Variants in PARD6B observed in about 807,000 individuals in gnomAD.
PARD6B encodes the protein partitioning defective 6 homolog beta.
PARD6B carries 4 observed loss-of-function variants against 10.5 expected under a neutral mutation model. The ratio of observed to expected loss-of-function variants is 0.38; its 90% CI spans 0.19 to 0.87. The LOEUF is 0.87. Ranked by LOEUF, PARD6B falls within the 40% of genes least tolerant of loss-of-function variation. PARD6B has a pLI of 0.41. For synonymous variants in PARD6B, 169 were observed against 170.4 expected (o/e 0.99, Z 0.07); for missense variants, 396 against 470.6 (o/e 0.84, Z 1.47).
intron 2 of PARD6B, 99 bp from the exon 3 acceptor site, chr20:50,749,560 C>T (rs2123708467): frequency 2.8e-6 from 3 of 1,066,076 alleles, no homozygotes; most frequent in Middle Eastern, 2.7e-4. Flanking sequence ...GTTTATATAC[C>T]AAATATATTT....
chr20:50,733,144 G>A (rs2087481322), intron 1 of PARD6B, among the ~76,000 whole-genome samples: 1 of 152,232 alleles, frequency 6.6e-6, no homozygotes, highest in Non-Finnish European at 1.5e-5. Flanking sequence ...TTGAGTCTGG[G>A]CGCGGTGGCT....
chr20:50,739,165 G>A (rs771859567), intron 2 of PARD6B, among the ~76,000 whole-genome samples: 61 of 151,946 alleles, frequency 4.0e-4, no homozygotes, highest in Non-Finnish European at 7.5e-4. Context: ...GCTTGAGAGC[G>A]GCCAGGCTTG....
Position 50,751,226 on chromosome 20 carries a change from C to CA in PARD6B, c.*742dup, listed in dbSNP as rs914453026. ...CTTAAGCAGTCCTGCCTCGGCTTCC[C>CA]AAAATGCTAGGATTAGAGCCACCAT... On this transcript the variant is annotated 3_prime_UTR_variant, in exon 3 of 3. Transcript: ENST00000371610. 1 of 955,516 alleles carries CA rather than the reference C, an allele frequency of 1.0e-6. No individual in the cohort carries two copies. Among genetic ancestry groups the CA allele is most frequent in the African/African-American group, 1.8e-5 (1 of 56,156 alleles). 59.2% of individuals were successfully genotyped at this position (955,516 alleles called of 1,614,324 possible).
At chr20:50,749,157 C>T (rs538100429) in intron 2 of PARD6B, among the ~76,000 whole-genome samples, 30 of 152,252 alleles carry the variant, frequency 2.0e-4, no homozygotes, top group Admixed American at 1.8e-3. Context: ...TCCTGGCTAA[C>T]ACGGTGAAAC....
In PARD6B at chr20:50,749,734, C is replaced by T; in HGVS notation, c.365C>T (p.Pro122Leu). ...AATGTTTTAACCAACGTATTGCGTC[C>T]TGACAACCATAGAAAAAAGCCACAT... Reference protein sequence around the residue: ...KKNVLTNVLRPDNHRKKPHIV... With the variant: ...KKNVLTNVLRLDNHRKKPHIV... Residue 122 changes from proline (P) to leucine (L), a missense_variant, in exon 3 of 3, where the codon CCT becomes CTT. Pro to Leu is a moderately conservative substitution (Grantham distance 98). This residue lies in a region of PARD6B where 208 missense variants were observed against 300.9 expected (regional missense o/e 0.69). Coordinates refer to ENST00000371610, the MANE Select transcript of PARD6B (RefSeq NM_032521.3). 1 of 1,614,090 alleles carries T rather than the reference C, an allele frequency of 6.2e-7. No individual in the cohort carries two copies. Among genetic ancestry groups the T allele is most frequent in the African/African-American group, 1.3e-5 (1 of 75,044 alleles).
chr20:50,734,509 C>CTTATTTATTTATTTAT (rs200306022), intron 1 of PARD6B, among the ~76,000 whole-genome samples: 72 of 150,486 alleles, frequency 4.8e-4, no homozygotes, highest in African/African-American at 1.7e-3. Context: ...CTACACCCAG[C>CTTATTTATTTATTTAT]TTATTTATTT....
chr20:50,741,702 C>T (rs1177764767), intron 2 of PARD6B, among the ~76,000 whole-genome samples: 3 of 152,060 alleles, frequency 2.0e-5, no homozygotes, highest in South Asian at 2.1e-4. Flanking sequence ...CCAACACACC[C>T]GGCTAATTTT....
intron 2 of PARD6B, among the ~76,000 whole-genome samples, chr20:50,746,516 A>G (rs921803517): frequency 6.6e-6 from 1 of 152,260 alleles, no homozygotes; most frequent in South Asian, 2.1e-4. Context: ...TAATGCTCTG[A>G]TAGTGTTCAG....
chr20:50,737,258 A>G (rs931592333), intron 1 of PARD6B, among the ~76,000 whole-genome samples: 86 of 152,238 alleles, frequency 5.6e-4, no homozygotes, highest in African/African-American at 2.0e-3. Context: ...TGCCAAACAC[A>G]TAAACACTTT....
intron 2 of PARD6B, among the ~76,000 whole-genome samples, chr20:50,746,005 C>T (rs2087565823): frequency 6.6e-6 from 1 of 151,606 alleles, no homozygotes. Flanking sequence ...TTGTTGATGG[C>T]TGTACTATAA....
chr20:50,750,985 T>G lies in PARD6B; in HGVS notation c.*497T>G. ...TTTTTTTTTTTTTTTTTTTTTTTTT[T>G]TAGTGACTGGGTCTCACTCTGTTGC... On this transcript the variant is annotated 3_prime_UTR_variant, in exon 3 of 3. Coordinates refer to ENST00000371610, the MANE Select transcript of PARD6B (RefSeq NM_032521.3). 5.0e-6 allele frequency: 3 copies of G among 603,396 alleles called. No individual in the cohort carries two copies. The highest frequency in any genetic ancestry group is 6.0e-6 in the Non-Finnish European group (3 of 496,326). 37.4% of individuals were successfully genotyped at this position (603,396 alleles called of 1,614,324 possible).
intron 1 of PARD6B, among the ~76,000 whole-genome samples, chr20:50,737,652 C>T (rs911550176): frequency 6.6e-6 from 1 of 152,120 alleles, no homozygotes; most frequent in Non-Finnish European, 1.5e-5. Flanking sequence ...GAATGCTCTT[C>T]AGAGACACAG....
chr20:50,750,954 ATTTTTTTTTTTTT>A lies in PARD6B; in HGVS notation c.*486_*498del, dbSNP rs565068464. Reference sequence around the variant, plus strand: ...CTCATGTTCCCAATATTTTATTTTGATTTTTTTTTTTTTTTTTTTTTTTTTTTTTTTTAGTGAC... The same window carrying A: ...CTCATGTTCCCAATATTTTATTTTGATTTTTTTTTTTTTTTTTTTAGTGAC... On this transcript the variant is annotated 3_prime_UTR_variant, in exon 3 of 3. Transcript: ENST00000371610. 0.1 allele frequency: 40,276 copies of A among 386,182 alleles called. 547 individuals carry two copies. Among genetic ancestry groups the A allele is most frequent in the Non-Finnish European group, 0.11 (36,533 of 326,064 alleles). 23.9% of individuals were successfully genotyped at this position (386,182 alleles called of 1,614,324 possible).
Position 50,750,342 on chromosome 20 carries a change from C to G in PARD6B, c.973C>G (p.Leu325Val). 6.2e-7 allele frequency: 1 copy of G among 1,614,198 alleles called. No individual in the cohort carries two copies. The highest frequency in any genetic ancestry group is 8.5e-7 in the Non-Finnish European group (1 of 1,180,030). ...CCTGGAGTCATTAACACAGATAGAG[C>G]TAAGCTTTGAGTCTGGACAGAATGG... ...ESLESLTQIE[L>V]SFESGQNGFI... Residue 325 changes from leucine (L) to valine (V), a missense_variant, in exon 3 of 3, where the codon CTA becomes GTA. Around this residue, in one of 2 missense-constraint regions of PARD6B, gnomAD observed 188 missense variants for 169.7 expected, o/e 1.11. Coordinates refer to ENST00000371610, the MANE Select transcript of PARD6B (RefSeq NM_032521.3).
Position 50,753,727 on chromosome 20 carries a change from C to CTT in PARD6B, c.*3240_*3241dup, listed in dbSNP as rs2087628461. 3.0e-6 allele frequency: 2 copies of CTT among 659,982 alleles called. No homozygotes were observed. The highest frequency in any genetic ancestry group is 3.8e-6 in the Non-Finnish European group (2 of 532,838). 40.9% of individuals were successfully genotyped at this position (659,982 alleles called of 1,614,324 possible). ...ATTATTTTTTACAAATAAAGATAGACTTGTATAAAGGCTACTTTCTTGTTT... is the reference window on the plus strand; with the variant it reads ...ATTATTTTTTACAAATAAAGATAGACTTTTGTATAAAGGCTACTTTCTTGTTT... On this transcript the variant is annotated 3_prime_UTR_variant, in exon 3 of 3. Transcript: ENST00000371610.
At chr20:50,735,854 A>G (rs2087496785) in intron 1 of PARD6B, among the ~76,000 whole-genome samples, 1 of 152,254 alleles carries the variant, frequency 6.6e-6, no homozygotes, top group Non-Finnish European at 1.5e-5. Flanking sequence ...CCATTCATAC[A>G]TCAGGGGAAG....
chr20:50,751,886 T>G lies in PARD6B; in HGVS notation c.*1398T>G, dbSNP rs1279220272. ...CTGGCTTATTTTTTTGTATTTTTAG[T>G]AGAGATGGAGTTTCACCATGTTGGT... is the stretch of plus-strand genomic sequence containing the variant. On this transcript the variant is annotated 3_prime_UTR_variant, in exon 3 of 3. Transcript: ENST00000371610. 1 of 866,002 alleles carries G rather than the reference T, an allele frequency of 1.2e-6. No individual in the cohort carries two copies. Among genetic ancestry groups the G allele is most frequent in the Non-Finnish European group, 1.4e-6 (1 of 721,718 alleles). The allele number at this position is 866,002 out of a possible 1,614,324, so 53.6% of individuals were successfully genotyped here.
Position 50,753,582 on chromosome 20 carries a change from C to A in PARD6B, c.*3094C>A. 1.2e-6 allele frequency: 1 copy of A among 838,812 alleles called. No individual in the cohort carries two copies. The highest frequency in any genetic ancestry group is 1.4e-6 in the Non-Finnish European group (1 of 696,134). The allele number at this position is 838,812 out of a possible 1,614,324, so 52.0% of individuals were successfully genotyped here. A position where few individuals can be genotyped will look rare whatever the true frequency, so the allele number is the denominator to read the frequency against. ...TTTACATGCTATAACATGATTTTTA[C>A]ATGAATGATACTTTGTTTATAACTA... On this transcript the variant is annotated 3_prime_UTR_variant, in exon 3 of 3. Coordinates refer to ENST00000371610, the MANE Select transcript of PARD6B (RefSeq NM_032521.3).
intron 2 of PARD6B, among the ~76,000 whole-genome samples, chr20:50,745,516 T>C (rs1333701505): frequency 6.6e-6 from 1 of 152,214 alleles, no homozygotes; most frequent in Non-Finnish European, 1.5e-5. Flanking sequence ...TATAAAATTT[T>C]CTTGGAACAG....
Sources: allele counts gnomAD v4.1 joint callset (sites outside exome capture counted in the v4.1 genomes callset), GRCh38; gene constraint gnomAD v4.1.1; regional missense constraint gnomAD v4.1.1; transcripts MANE v1.5; gene names NCBI Gene and HGNC (gene_info 2026-07-23, HGNC 2026-07-21).